TBC1D12: variants seen among roughly 807,000 people sequenced by gnomAD.
The protein encoded by TBC1D12 is TBC1 domain family, member 12.
TBC1D12 carries 56 observed loss-of-function variants against 86.7 expected under a neutral mutation model. The ratio of observed to expected loss-of-function variants is 0.65; its 90% confidence interval spans 0.52 to 0.81. TBC1D12 has a LOEUF of 0.81. Ranked by LOEUF, TBC1D12 falls within the 30% of genes least tolerant of loss-of-function variation. The probability of loss-of-function intolerance (pLI) is 0.00; values close to 1 mark genes in which losing one functional copy is unlikely to be tolerated. For missense variants in TBC1D12, 1,023 were observed against 1,038.8 expected (o/e 0.98, Z 0.21); for synonymous variants, 421 against 411.7 (o/e 1.02, Z -0.27).
intron 1 of TBC1D12, among the ~76,000 whole-genome samples, chr10:94,418,586 A>G (rs2134059260): frequency 6.7e-6 from 1 of 149,434 alleles, no homozygotes; most frequent in South Asian, 2.1e-4. Context: ...TTATTATATT[A>G]TTTTTGAGAC....
At chr10:94,446,698 A>G (rs1564950373) in intron 2 of TBC1D12, among the ~76,000 whole-genome samples, 2 of 152,188 alleles carry the variant, frequency 1.3e-5, no homozygotes, top group African/African-American at 4.8e-5. Context: ...CAGAGTTGCC[A>G]TATTTTTAAA....
intron 2 of TBC1D12, among the ~76,000 whole-genome samples, chr10:94,470,509 G>A (rs1018528087): frequency 6.6e-6 from 1 of 151,756 alleles, no homozygotes; most frequent in Non-Finnish European, 1.5e-5. Flanking sequence ...GACTAGAGGC[G>A]CATGCCACCA....
rs1285967488 is a variant in TBC1D12, at chr10:94,535,215, A to G, written c.*2119A>G. 6.6e-6 allele frequency: 1 copy of G among 152,154 alleles called. No individual in the cohort carries two copies. The highest frequency in any genetic ancestry group is 1.9e-4 in the East Asian group (1 of 5,184). The allele number at this position is 152,154 out of a possible 1,614,324, so 9.4% of individuals were successfully genotyped here. ...CATCTTTAGGTGGGGGCAAGGCTAT[A>G]TCTGATTGACAGAGATCTCTGATCT... is the stretch of plus-strand genomic sequence containing the variant. On this transcript the variant is annotated 3_prime_UTR_variant, in exon 13 of 13. Coordinates refer to ENST00000225235, the MANE Select transcript of TBC1D12 (RefSeq NM_015188.2).
rs565410370 is a variant in TBC1D12 at position 94,470,420 on chromosome 10, A to C, written c.1096-4248A>C. Among the ~76,000 whole-genome samples, 8 of 152,240 alleles carry C rather than the reference A, an allele frequency of 5.3e-5. No individual in the cohort carries two copies. In the East Asian group the frequency reaches 1.5e-3, roughly 29 times the overall value. On this transcript the variant is annotated intron_variant, in intron 2 of 12. Coordinates refer to ENST00000225235, the MANE Select transcript of TBC1D12 (RefSeq NM_015188.2). ...CACTCTGTCACCCAGGCTGGAGTGC[A>C]GTGGAATGATTATGACCCACTGCAG...
intron 2 of TBC1D12, among the ~76,000 whole-genome samples, chr10:94,462,402 A>G (rs1230411190): frequency 6.6e-6 from 1 of 152,164 alleles, no homozygotes; most frequent in East Asian, 1.9e-4. Flanking sequence ...CCTGGCCTCT[A>G]GGAATTCCAG....
At chr10:94,420,171 A>G (rs1055998444) in intron 1 of TBC1D12, among the ~76,000 whole-genome samples, 1 of 152,130 alleles carries the variant, frequency 6.6e-6, no homozygotes, top group Non-Finnish European at 1.5e-5. Flanking sequence ...ACACCCTTAT[A>G]AGAAGAGGCC....
At chr10:94,447,569 A>G (rs2055487705) in intron 2 of TBC1D12, 1 of 972,812 alleles carries the variant, frequency 1.0e-6, no homozygotes, top group Non-Finnish European at 1.2e-6. Flanking sequence ...TTGATAATCA[A>G]TTCCAAAATC....
intron 2 of TBC1D12, among the ~76,000 whole-genome samples, chr10:94,442,731 A>G (rs2055399448): frequency 1.3e-5 from 2 of 152,146 alleles, no homozygotes; most frequent in African/African-American, 4.8e-5. Flanking sequence ...TACATTTCCT[A>G]TTTTTATCCT....
At chr10:94,465,805 TATACGCATACATAC>T (rs1186511801) in intron 2 of TBC1D12, among the ~76,000 whole-genome samples, 1 of 150,746 alleles carries the variant, frequency 6.6e-6, no homozygotes, top group Non-Finnish European at 1.5e-5. Context: ...CATACATACA[TATACGCATACATAC>T]ACATATACGT....
At position 94,531,315 on chromosome 10, in the gene TBC1D12, G is replaced by A. The variant is rs746772933; in HGVS notation, c.2114G>A (p.Arg705Gln). The change falls in exon 12 of 13, where the codon CGA becomes CAA. Residue 705 changes from arginine to glutamine, a missense_variant. By Grantham distance (43) the Arg-to-Gln change is conservative (BLOSUM62 1). Transcript: ENST00000225235. ...FLFRTGLGIL[R>Q]LYEDILLQMD... The stretch of plus-strand genomic sequence containing the variant: ...TTTAGGACTGGATTAGGAATCCTCC[G>A]ATTATATGAAGATATTCTCCTGCAG... The A allele has an allele frequency of 6.8e-6, 11 of 1,613,944 alleles. No homozygotes were observed. The highest frequency in any genetic ancestry group is 2.7e-5 in the African/African-American group (2 of 74,894).
At position 94,522,057 on chromosome 10, in the gene TBC1D12, G is replaced by A; in HGVS notation, c.1864G>A (p.Ala622Thr). ...ANLLNKPCQL[A>T]FFRVDHSMML... ...TCTCCTGAATAAGCCATGCCAGTTG[G>A]CCTTTTTTCGTGTGGATCACAGCAT... The change falls in exon 10 of 13, where the codon GCC (alanine) becomes ACC (threonine). Residue 622 changes from alanine (A) to threonine (T), a missense_variant. Coordinates refer to ENST00000225235, the MANE Select transcript of TBC1D12 (RefSeq NM_015188.2). The A allele has an allele frequency of 1.2e-6, 2 of 1,612,556 alleles. No individual in the cohort carries two copies. Among genetic ancestry groups the A allele is most frequent in the South Asian group, 1.1e-5 (1 of 90,852 alleles).
chr10:94,464,656 C>T (rs934568707), intron 2 of TBC1D12, among the ~76,000 whole-genome samples: 6 of 152,080 alleles, frequency 3.9e-5, no homozygotes, highest in South Asian at 2.1e-4. Context: ...TTTATAGAGA[C>T]GGGGTCCCTT....
intron 9 of TBC1D12, among the ~76,000 whole-genome samples, chr10:94,516,196 A>T (rs925733794): frequency 3.3e-5 from 5 of 152,192 alleles, no homozygotes; most frequent in Non-Finnish European, 7.3e-5. Flanking sequence ...GTCTTTTAGT[A>T]ATCTCATTAT....
At chr10:94,447,222 C>T (rs571411450) in intron 2 of TBC1D12, among the ~76,000 whole-genome samples, 6 of 151,588 alleles carry the variant, frequency 4.0e-5, no homozygotes, top group East Asian at 1.9e-4. Context: ...GGAAAAAACA[C>T]GTAATTATTT....
At chr10:94,449,293 A>C (rs1230469886) in intron 2 of TBC1D12, among the ~76,000 whole-genome samples, 1 of 152,218 alleles carries the variant, frequency 6.6e-6, no homozygotes, top group Non-Finnish European at 1.5e-5. Context: ...CAGACTAAAC[A>C]AACAAGATTG....
chr10:94,465,662 A>G (rs1007176396), intron 2 of TBC1D12, among the ~76,000 whole-genome samples: 1 of 101,130 alleles, frequency 9.9e-6, no homozygotes. Context: ...AAAAATATAT[A>G]TATATATATG....
At chr10:94,464,798 G>A (rs951708231) in intron 2 of TBC1D12, among the ~76,000 whole-genome samples, 3 of 152,172 alleles carry the variant, frequency 2.0e-5, no homozygotes, top group Non-Finnish European at 4.4e-5. Flanking sequence ...GCTATTATAT[G>A]TTAACAAAAA....
chr10:94,485,629 C>A (rs1215614707), intron 3 of TBC1D12, among the ~76,000 whole-genome samples: 2 of 148,778 alleles, frequency 1.3e-5, no homozygotes, highest in Admixed American at 6.8e-5. Context: ...CATAAGAATT[C>A]CCTCCTCTAT....
intron 11 of TBC1D12, among the ~76,000 whole-genome samples, chr10:94,530,537 A>T (rs1398954539): frequency 6.6e-6 from 1 of 152,244 alleles, no homozygotes; most frequent in Non-Finnish European, 1.5e-5. Flanking sequence ...CCAAACGCTG[A>T]TGTAAACACT....
Sources: gnomAD v4.1 joint callset for allele counts (sites outside exome capture counted in the v4.1 genomes callset) on GRCh38, gnomAD v4.1.1 for gene constraint, MANE v1.5 for transcripts, NCBI Gene and HGNC (gene_info 2026-07-23, HGNC 2026-07-21) for gene names.